The following RANBP10 variants were observed in gnomAD, a reference collection of about 807,000 sequenced individuals.
RANBP10 encodes RAN binding protein 10.
In RANBP10, 24 loss-of-function variants were observed where a neutral mutation model predicts 72.8. The ratio of observed to expected loss-of-function variants is 0.33; its 90% CI spans 0.24 to 0.46. RANBP10 has a LOEUF of 0.46. Among genes scored for constraint, RANBP10 ranks in the 20% least tolerant of loss-of-function variants. The probability of loss-of-function intolerance (pLI) is 1.00; values close to 1 mark genes in which losing one functional copy is unlikely to be tolerated. For missense variants in RANBP10, 679 were observed against 817.5 expected (o/e 0.83, Z 2.07); for synonymous variants, 310 against 322.3 (o/e 0.96, Z 0.41).
chr16:67,759,749 A>C (rs527304574), intron 3 of RANBP10: 1 of 152,432 alleles, frequency 6.6e-6, no homozygotes, highest in South Asian at 2.1e-4. Context: ...GGAACAGGAA[A>C]GAAGTGGTGC....
At chr16:67,799,412 C>T (rs1243940136) in intron 2 of RANBP10, among the ~76,000 whole-genome samples, 4 of 151,658 alleles carry the variant, frequency 2.6e-5, no homozygotes, top group African/African-American at 9.7e-5. Context: ...CTCAGCCTCC[C>T]GAGTAGCTGG....
rs1262662313 is a variant in RANBP10, at chr16:67,727,824, C to A, written c.1547G>T (p.Arg516Leu). 1 of 1,614,200 alleles carries A rather than the reference C, an allele frequency of 6.2e-7. No individual in the cohort carries two copies. Among genetic ancestry groups the A allele is most frequent in the East Asian group, 2.2e-5 (1 of 44,886 alleles). ...AATERIILFG[R>L]ELQALSEQLG... ...CTGCTCACTCAATGCCTGCAACTCG[C>A]GGCCAAACAGAATGATCCTTTCTGT... Residue 516 changes from arginine (R) to leucine (L), a missense_variant, in exon 12 of 14, where the codon CGC (arginine) becomes CTC (leucine). Transcript: ENST00000317506.
chr16:67,767,886 G>A (rs1210600739), intron 3 of RANBP10, among the ~76,000 whole-genome samples: 2 of 151,776 alleles, frequency 1.3e-5, no homozygotes, highest in South Asian at 4.2e-4. Flanking sequence ...ATGAGCCACC[G>A]CGCCCTGCCT....
intron 2 of RANBP10, among the ~76,000 whole-genome samples, chr16:67,778,541 G>A (rs189898158): frequency 3.3e-5 from 5 of 152,196 alleles, no homozygotes; most frequent in Admixed American, 2.0e-4. Context: ...CATAGATAAA[G>A]TAAACTTCAT....
rs573098503 is a variant in RANBP10, at chr16:67,726,600, G to C, written c.1733-42C>G. On this transcript the variant is annotated intron_variant, in intron 13 of 13. Coordinates refer to ENST00000317506, the MANE Select transcript of RANBP10 (RefSeq NM_020850.3). ...AGGCCTGGTCACTGGCCTGCCCAGG[G>C]CTTGGGCCCAGGTCAAAGTTCCCTT... 4 of 1,523,518 alleles carry C rather than the reference G, an allele frequency of 2.6e-6. No individual in the cohort carries two copies. In the South Asian group the frequency reaches 5.0e-5, roughly 19 times the overall value. The allele number at this position is 1,523,518 out of a possible 1,614,324, so 94.4% of individuals were successfully genotyped here.
At chr16:67,790,890 G>C (rs966805050) in intron 2 of RANBP10, among the ~76,000 whole-genome samples, 2 of 151,208 alleles carry the variant, frequency 1.3e-5, no homozygotes, top group African/African-American at 2.5e-5. Flanking sequence ...AGTAGAGACG[G>C]GGTCTCATCA....
At chr16:67,749,806 G>A (rs1266094742) in intron 3 of RANBP10, among the ~76,000 whole-genome samples, 1 of 152,168 alleles carries the variant, frequency 6.6e-6, no homozygotes, top group Non-Finnish European at 1.5e-5. Context: ...CTGGTCTATA[G>A]CAGGCTATAG....
At position 67,804,189 on chromosome 16, in the gene RANBP10, GCAAACTTCAGACAC is replaced by G. The variant is rs566193495; in HGVS notation, c.347+1225_347+1238del. On this transcript the variant is annotated intron_variant, in intron 2 of 13. Coordinates refer to ENST00000317506, the MANE Select transcript of RANBP10 (RefSeq NM_020850.3). ...GTTGGCATGGTCACCAGAGGGGTTG[GCAAACTTCAGACAC>G]CAAACCTAAAGTCTGATGAGGAAAG... Among the ~76,000 whole-genome samples the G allele has an allele frequency of 3.0e-4, 46 of 152,238 alleles. No homozygotes were observed. The Middle Eastern group carries it at 0.017, about 56-fold the overall frequency.
At position 67,806,522 on chromosome 16, in the gene RANBP10, C is replaced by T. The variant is rs757591623; in HGVS notation, c.15G>A (p.Thr5=). Residue 5 remains threonine (T), a synonymous_variant, in exon 1 of 14, where the codon ACG becomes ACA. Coordinates refer to ENST00000317506, the MANE Select transcript of RANBP10 (RefSeq NM_020850.3). ...GCGGGTTCCCAGCTCCCGGGTCTGC[C>T]GTCGCTGCCGCCATCTTGGAGGGAG... MAAA[T]ADPGAGNPQP... 1.3e-6 allele frequency: 2 copies of T among 1,510,226 alleles called. No individual in the cohort carries two copies. The highest frequency in any genetic ancestry group is 2.5e-5 in the South Asian group (2 of 81,046). 93.6% of individuals were successfully genotyped at this position (1,510,226 alleles called of 1,614,324 possible). A position where few individuals can be genotyped will look rare whatever the true frequency, so the allele number is the denominator to read the frequency against.
chr16:67,805,373 G>T, intron 2 of RANBP10, 55 bp downstream of exon 2: 1 of 1,516,492 alleles, frequency 6.6e-7, no homozygotes. Context: ...CCTGAACTCT[G>T]ACCACAGGGA....
chr16:67,806,289 G>A lies in RANBP10; in HGVS notation c.235+13C>T, dbSNP rs1490195641. On this transcript the variant is annotated intron_variant, in intron 1 of 13. Transcript: ENST00000317506. ...CTCTAGCCTTAATTCCCCCCAGCCT[G>A]ACGGGCCGATACCTTTGTAGTGGAC... 6.2e-7 allele frequency: 1 copy of A among 1,600,134 alleles called. No individual in the cohort carries two copies. The highest frequency in any genetic ancestry group is 8.5e-7 in the Non-Finnish European group (1 of 1,172,234).
At chr16:67,768,520 C>CA (rs929147276) in intron 3 of RANBP10, among the ~76,000 whole-genome samples, 7 of 148,778 alleles carry the variant, frequency 4.7e-5, no homozygotes, top group South Asian at 2.1e-4. Context: ...GACTCTGTCT[C>CA]AAAAAAAATA....
At chr16:67,797,989 CAAAAAA>C (rs56801646) in intron 2 of RANBP10, among the ~76,000 whole-genome samples, 1 of 43,870 alleles carries the variant, frequency 2.3e-5, no homozygotes, top group African/African-American at 8.3e-5. Context: ...GACCCTCTCT[CAAAAAA>C]AAAAAAAAAA....
rs1170781207 is a variant in RANBP10 at position 67,726,452 on chromosome 16, G to A, written c.1839C>T (p.Ala613=). The A allele has an allele frequency of 1.2e-6, 2 of 1,611,846 alleles. No homozygotes were observed. The highest frequency in any genetic ancestry group is 1.7e-6 in the Non-Finnish European group (2 of 1,179,146). Residue 613 remains alanine, a synonymous_variant, in exon 14 of 14, where the codon GCC becomes GCT. Transcript: ENST00000317506. ...ARAGLGSCSF[A]RVDDYLH Reference sequence around the variant, plus strand: ...GCTAGTGCAAGTAGTCATCAACTCTGGCAAAGGAGCAAGAACCCAGGCCTG... The same window carrying A: ...GCTAGTGCAAGTAGTCATCAACTCTAGCAAAGGAGCAAGAACCCAGGCCTG...
intron 2 of RANBP10, among the ~76,000 whole-genome samples, chr16:67,779,895 G>A (rs2054779548): frequency 6.6e-6 from 1 of 152,136 alleles, no homozygotes; most frequent in Non-Finnish European, 1.5e-5. Flanking sequence ...CCAAGGCCTG[G>A]TAAAGTAAAT....
chr16:67,792,149 C>T (rs1215595875), intron 2 of RANBP10, among the ~76,000 whole-genome samples: 4 of 152,082 alleles, frequency 2.6e-5, no homozygotes, highest in Non-Finnish European at 5.9e-5. Context: ...CCATACCCGC[C>T]CCTGCCCCAG....
rs1292406052 is a variant in RANBP10, at chr16:67,730,187, G to A, written c.890-141C>T. ...GAAATGCTCACAGGAGAGGAGGCTG[G>A]AGAAAGAACCTGACTGCCCAGCCCA... On this transcript the variant is annotated intron_variant, in intron 7 of 13. Transcript: ENST00000317506. This position sits in a 1 kb window ranked among gnomAD's most constrained non-coding sequence, Gnocchi z 4.3. 1 of 708,366 alleles carries A rather than the reference G, an allele frequency of 1.4e-6. No individual in the cohort carries two copies. The highest frequency in any genetic ancestry group is 1.7e-5 in the South Asian group (1 of 57,870). 43.9% of individuals were successfully genotyped at this position (708,366 alleles called of 1,614,324 possible). A position where few individuals can be genotyped will look rare whatever the true frequency, so the allele number is the denominator to read the frequency against.
chr16:67,739,495 A>G (rs1263064405), intron 4 of RANBP10, among the ~76,000 whole-genome samples: 1 of 152,192 alleles, frequency 6.6e-6, no homozygotes, highest in Non-Finnish European at 1.5e-5. Flanking sequence ...TCTCCAGTCC[A>G]TACGCAGTCA....
In RANBP10 at chr16:67,730,463, G is replaced by T. The variant is rs752794851; in HGVS notation, c.890-417C>A. On this transcript the variant is annotated intron_variant, in intron 7 of 13. Transcript: ENST00000317506. The surrounding 1 kb of genome is among the most constrained non-coding windows in gnomAD (Gnocchi z 4.3). The stretch of plus-strand genomic sequence containing the variant: ...TCCTCTCCTTCCAGGCCTCACAGGG[G>T]AATGGCAATGGAATCACACTGGTTT... Among the ~76,000 whole-genome samples the T allele has an allele frequency of 3.3e-5, 5 of 152,188 alleles. No homozygotes were observed. Among genetic ancestry groups the T allele is most frequent in the Admixed American group, 6.5e-5 (1 of 15,282 alleles).
Sources: allele counts gnomAD v4.1 joint callset (sites outside exome capture counted in the v4.1 genomes callset), GRCh38; gene constraint gnomAD v4.1.1; non-coding constraint Gnocchi (gnomAD v3.1); transcripts MANE v1.5; gene names NCBI Gene and HGNC (gene_info 2026-07-23, HGNC 2026-07-21).